NOX3: variants seen among roughly 807,000 people sequenced by gnomAD.
The protein encoded by NOX3 is NADPH oxidase 3.
In NOX3, 74 loss-of-function variants were observed where a neutral mutation model predicts 76.7. That is an observed-to-expected ratio of 0.96 (90% CI 0.80 to 1.17). NOX3 has a LOEUF of 1.17. Ranked by LOEUF, NOX3 falls within the 50% of genes most tolerant of loss-of-function variation. NOX3 has a pLI of 0.00. For missense variants in NOX3, 695 were observed against 703.3 expected (o/e 0.99, Z 0.13); for synonymous variants, 263 against 261.1 (o/e 1.01, Z -0.07).
intron 7 of NOX3, among the ~76,000 whole-genome samples, chr6:155,432,409 G>A (rs114152630): frequency 3.3e-5 from 4 of 121,832 alleles, no homozygotes; most frequent in African/African-American, 6.0e-5. Context: ...TATCTGGGGC[G>A]GGGGGTGGGG....
At chr6:155,437,105 A>G (rs1326660517) in intron 6 of NOX3, among the ~76,000 whole-genome samples, 1 of 152,184 alleles carries the variant, frequency 6.6e-6, no homozygotes, top group African/African-American at 2.4e-5. Context: ...TCAAGACGGT[A>G]TTGATACATT....
chr6:155,450,059 T>C (rs1777114603), intron 4 of NOX3, among the ~76,000 whole-genome samples: 1 of 152,210 alleles, frequency 6.6e-6, no homozygotes, highest in African/African-American at 2.4e-5. Context: ...GCCTCCTGCA[T>C]TTGCAGGGAG....
Position 155,422,715 on chromosome 6 carries a change from C to G in NOX3, c.1287G>C (p.Gln429His). 6.2e-7 allele frequency: 1 copy of G among 1,614,120 alleles called. No homozygotes were observed. Among genetic ancestry groups the G allele is most frequent in the East Asian group, 2.2e-5 (1 of 44,874 alleles). The change falls in exon 10 of 14, where the codon CAG (glutamine) becomes CAC (histidine). Residue 429 changes from glutamine (Q) to histidine (H), a missense_variant. Coordinates refer to ENST00000159060, the MANE Select transcript of NOX3 (RefSeq NM_015718.3). ...KSIWYKCSEA[Q>H]TPLKLSKVYF... ...GTACCTTGCTCAGCTTCAGTGGGGT[C>G]TGTGCCTCACTGCATTTGTACCATA...
intron 5 of NOX3, among the ~76,000 whole-genome samples, chr6:155,441,917 G>T (rs1285427595): frequency 1.3e-5 from 2 of 152,286 alleles, no homozygotes; most frequent in East Asian, 3.9e-4. Context: ...AAGGGCAGCT[G>T]TAGTTCTGAT....
intron 12 of NOX3, among the ~76,000 whole-genome samples, chr6:155,403,411 A>G (rs1253357850): frequency 6.6e-6 from 1 of 152,194 alleles, no homozygotes; most frequent in East Asian, 1.9e-4. Flanking sequence ...TTGAAGCTAT[A>G]TAACAAGTTA....
rs565528574 is a variant in NOX3, at chr6:155,409,967, A to T, written c.1455+1247T>A. 4.7e-4 allele frequency among the ~76,000 whole-genome samples: 71 copies of T among 152,316 alleles called. 3 individuals are homozygous for T. In the East Asian group the frequency reaches 0.011, roughly 24 times the overall value. On this transcript the variant is annotated intron_variant, in intron 11 of 13. Transcript: ENST00000159060. ...AAGGAATACCTAGGTGCACACTGGG[A>T]TCAATGCACCTTAGAGTAGAAGAGC... is the stretch of plus-strand genomic sequence containing the variant.
Position 155,440,090 on chromosome 6 carries a change from C to T in NOX3, c.534G>A (p.Leu178=). 6 of 1,613,472 alleles carry T rather than the reference C, an allele frequency of 3.7e-6. No homozygotes were observed. Among genetic ancestry groups the T allele is most frequent in the Non-Finnish European group, 5.1e-6 (6 of 1,179,780 alleles). Residue 178 remains leucine, a synonymous_variant, in exon 6 of 14, where the codon CTG becomes CTA. Transcript: ENST00000159060. ...TCAAGACTAAAGCCAGAGAGATCAC[C>T]AGACCGGTGACGCCTGCTATTGTCC... The part of the protein sequence containing the change: ...LLRTIAGVTG[L]VISLALVLIM...
rs1430658795 is a variant in NOX3 at position 155,453,310 on chromosome 6, GA to G, written c.340+93del. On this transcript the variant is annotated intron_variant, in intron 4 of 13. Coordinates refer to ENST00000159060, the MANE Select transcript of NOX3 (RefSeq NM_015718.3). The stretch of plus-strand genomic sequence containing the variant: ...TAAAGGGCAAAGTTTTCTTTTACCT[GA>G]GGGTGAGACTTGGGGAAGGCAGAGT... 1.1e-4 allele frequency: 101 copies of G among 951,130 alleles called. 1 individual carries two copies. In the South Asian group the frequency reaches 1.3e-3, roughly 12 times the overall value. The allele number at this position is 951,130 out of a possible 1,614,324, so 58.9% of individuals were successfully genotyped here.
intron 12 of NOX3, among the ~76,000 whole-genome samples, chr6:155,404,127 ATTTTT>A (rs4031391): frequency 1.4e-5 from 2 of 145,362 alleles, no homozygotes; most frequent in Non-Finnish European, 3.0e-5. Context: ...ATATATATAT[ATTTTT>A]TTTTTCCCAA....
intron 7 of NOX3, among the ~76,000 whole-genome samples, chr6:155,434,796 T>G (rs1422692063): frequency 3.9e-5 from 6 of 152,122 alleles, no homozygotes; most frequent in African/African-American, 1.2e-4. Flanking sequence ...CCGGGTATAG[T>G]TGGTTTCTTT....
intron 9 of NOX3, among the ~76,000 whole-genome samples, chr6:155,423,264 G>T (rs1477029948): frequency 6.6e-6 from 1 of 152,196 alleles, no homozygotes; most frequent in Non-Finnish European, 1.5e-5. Context: ...AGGAAGCTTA[G>T]CAGGCTTCTA....
intron 7 of NOX3, among the ~76,000 whole-genome samples, chr6:155,431,447 C>CACACAG (rs3220975): frequency 1.3e-5 from 2 of 151,586 alleles, no homozygotes; most frequent in African/African-American, 4.9e-5. Flanking sequence ...CACACACACA[C>CACACAG]AGTTATTTGG....
intron 12 of NOX3, among the ~76,000 whole-genome samples, chr6:155,398,101 T>C (rs1173037254): frequency 1.3e-5 from 2 of 152,210 alleles, no homozygotes; most frequent in Non-Finnish European, 2.9e-5. Context: ...ATATTACTAT[T>C]CTTTGTAGCA....
At chr6:155,429,821 C>T (rs9480136) in intron 8 of NOX3, among the ~76,000 whole-genome samples, 3,941 of 152,242 alleles carry the variant, frequency 0.026, 66 homozygotes, top group Admixed American at 0.042. Context: ...CAGTATTTTT[C>T]CGTTCAAAAG....
chr6:155,451,642 TGA>T (rs1242641947), intron 4 of NOX3, among the ~76,000 whole-genome samples: 1 of 152,114 alleles, frequency 6.6e-6, no homozygotes, highest in Non-Finnish European at 1.5e-5. Flanking sequence ...TTTTTCTTTT[TGA>T]GATGGGGTCT....
rs202245660 is a variant in NOX3, at chr6:155,396,831, A to G, written c.*5T>C. The stretch of plus-strand genomic sequence containing the variant: ...TACACAATGCCTGGACTTGACCTCC[A>G]AAGTCTAGAAGCTCTCCTTGTTGTA... On this transcript the variant is annotated 3_prime_UTR_variant, in exon 13 of 14. Coordinates refer to ENST00000159060, the MANE Select transcript of NOX3 (RefSeq NM_015718.3). 6.2e-7 allele frequency: 1 copy of G among 1,604,908 alleles called. No individual in the cohort carries two copies. The highest frequency in any genetic ancestry group is 8.5e-7 in the Non-Finnish European group (1 of 1,175,182).
rs944927923 is a variant in NOX3, at chr6:155,395,456, A to G, written c.*146T>C. The G allele has an allele frequency of 6.6e-6, 1 of 152,194 alleles. No individual in the cohort carries two copies. The highest frequency in any genetic ancestry group is 2.4e-5 in the African/African-American group (1 of 41,458). 9.4% of individuals were successfully genotyped at this position (152,194 alleles called of 1,614,324 possible). A position where few individuals can be genotyped will look rare whatever the true frequency, so the allele number is the denominator to read the frequency against. On this transcript the variant is annotated 3_prime_UTR_variant, in exon 14 of 14. Coordinates refer to ENST00000159060, the MANE Select transcript of NOX3 (RefSeq NM_015718.3). Reference sequence around the variant, plus strand: ...TTTATAAGCTAAGGAAGTATGGTATAGTGTACTGTTCACAATAGTTAATTA... The same window carrying G: ...TTTATAAGCTAAGGAAGTATGGTATGGTGTACTGTTCACAATAGTTAATTA...
rs780453913 is a variant in NOX3 at position 155,407,166 on chromosome 6, T to C, written c.1544A>G (p.Asn515Ser). 2 of 1,614,142 alleles carry C rather than the reference T, an allele frequency of 1.2e-6. No homozygotes were observed. Among genetic ancestry groups the C allele is most frequent in the East Asian group, 2.2e-5 (1 of 44,882 alleles). Residue 515 changes from asparagine to serine, a missense_variant, in exon 12 of 14, where the codon AAC (asparagine) becomes AGC (serine). By Grantham distance (46) the Asn-to-Ser change is conservative (BLOSUM62 1). Transcript: ENST00000159060. ...GTAGGCAATCTGCTTGAACTCATTG[T>C]TCCAGTTGGGCCTCCCATAGAAGGT... ...QKTFYGRPNW[N>S]NEFKQIAYNH...
At chr6:155,430,324 C>T (rs959978180) in intron 8 of NOX3, among the ~76,000 whole-genome samples, 3 of 152,114 alleles carry the variant, frequency 2.0e-5, no homozygotes, top group African/African-American at 4.8e-5. Flanking sequence ...GCATGCTGCT[C>T]ATGAGGGTAG....
Sources: gnomAD v4.1 joint callset for allele counts (sites outside exome capture counted in the v4.1 genomes callset) on GRCh38, gnomAD v4.1.1 for gene constraint, MANE v1.5 for transcripts, NCBI Gene and HGNC (gene_info 2026-07-23, HGNC 2026-07-21) for gene names.